The following SLC9C2 variants were observed in gnomAD, a reference collection of about 807,000 sequenced individuals.
SLC9C2 encodes sodium/hydrogen exchanger 11.
In SLC9C2, 75 loss-of-function variants were observed where a neutral mutation model predicts 140.2. The ratio of observed to expected loss-of-function variants is 0.53; its 90% CI spans 0.44 to 0.65. The LOEUF (loss-of-function observed/expected upper bound fraction) is 0.65, where lower values mean the gene tolerates loss of function less well. Among genes scored for constraint, SLC9C2 ranks in the 30% least tolerant of loss-of-function variants. The probability of loss-of-function intolerance (pLI) is 0.00; values close to 1 mark genes in which losing one functional copy is unlikely to be tolerated. For missense variants in SLC9C2, 1,074 were observed against 1,331.8 expected, an observed-to-expected ratio of 0.81 and a Z score of 3.01; for synonymous variants, 375 against 420.9, an observed-to-expected ratio of 0.89 and a Z score of 1.34.
At chr1:173,585,100 C>G (rs1665771996) in intron 5 of SLC9C2, among the ~76,000 whole-genome samples, 1 of 152,144 alleles carries the variant, frequency 6.6e-6, no homozygotes, top group African/African-American at 2.4e-5. Context: ...TACTAACACT[C>G]TATATTTTAT....
intron 7 of SLC9C2, 90 bp downstream of exon 7, chr1:173,581,757 G>A (rs1369417814): frequency 1.8e-6 from 2 of 1,110,740 alleles, no homozygotes; most frequent in East Asian, 2.8e-5. Context: ...CAAAAAGGAG[G>A]AGAAGCAACT....
In SLC9C2 at chr1:173,564,003, G is replaced by C. The variant is rs537699288; in HGVS notation, c.1047-6495C>G. ...ATTTCATTTAACATAATGACCTCCA[G>C]TTCTTTCCATATTGTTGCAAATGAC... On this transcript the variant is annotated intron_variant, in intron 9 of 27. Coordinates refer to ENST00000367714, the MANE Select transcript of SLC9C2 (RefSeq NM_178527.4). 3.9e-5 allele frequency among the ~76,000 whole-genome samples: 6 copies of C among 152,250 alleles called. No individual in the cohort carries two copies. In the East Asian group the frequency reaches 1.2e-3, roughly 29 times the overall value.
At chr1:173,539,834 G>T (rs569525628) in intron 13 of SLC9C2, among the ~76,000 whole-genome samples, 6 of 152,166 alleles carry the variant, frequency 3.9e-5, no homozygotes, top group Non-Finnish European at 8.8e-5. Context: ...AAAATAGCAT[G>T]CAGCAAGTCC....
intron 24 of SLC9C2, among the ~76,000 whole-genome samples, chr1:173,508,518 T>A (rs954111828): frequency 1.4e-5 from 2 of 142,610 alleles, no homozygotes; most frequent in Non-Finnish European, 3.1e-5. Flanking sequence ...CCACTTCTCA[T>A]GAAGATGCAA....
At chr1:173,536,648 C>T (rs1396609059) in intron 14 of SLC9C2, among the ~76,000 whole-genome samples, 1 of 152,120 alleles carries the variant, frequency 6.6e-6, no homozygotes, top group South Asian at 2.1e-4. Context: ...TATAAGTTCC[C>T]TTTCATGGAT....
At chr1:173,576,812 A>G (rs902828161) in intron 7 of SLC9C2, 52 bp from the exon 8 acceptor site, 15 of 1,013,520 alleles carry the variant, frequency 1.5e-5, no homozygotes, top group Non-Finnish European at 2.1e-5. Flanking sequence ...TCATATCTGC[A>G]CACTGAGACA....
chr1:173,567,843 G>A (rs1285837921), intron 9 of SLC9C2, among the ~76,000 whole-genome samples: 6 of 151,752 alleles, frequency 4.0e-5, no homozygotes, highest in African/African-American at 1.5e-4. Context: ...TTAATTTAAG[G>A]TTACCATGAA....
intron 24 of SLC9C2, among the ~76,000 whole-genome samples, 164 bp downstream of exon 24, chr1:173,509,404 C>T (rs1395801252): frequency 2.7e-5 from 4 of 150,110 alleles, no homozygotes; most frequent in Non-Finnish European, 5.9e-5. Context: ...GAGACTGCAC[C>T]ATTGCACTCC....
intron 4 of SLC9C2, among the ~76,000 whole-genome samples, chr1:173,591,278 T>C (rs1666146209): frequency 6.6e-6 from 1 of 152,228 alleles, no homozygotes; most frequent in Non-Finnish European, 1.5e-5. Context: ...AATCTGGCAT[T>C]GATGGGCGTT....
At chr1:173,501,651 C>T (rs954457867) in intron 27 of SLC9C2, among the ~76,000 whole-genome samples, 1 of 151,670 alleles carries the variant, frequency 6.6e-6, no homozygotes, top group South Asian at 2.1e-4. Context: ...GCTGGAACTA[C>T]AGGCGCCCAC....
chr1:173,581,702 G>A, intron 7 of SLC9C2, 145 bp downstream of exon 7: 1 of 548,816 alleles, frequency 1.8e-6, no homozygotes, highest in Non-Finnish European at 3.0e-6. Flanking sequence ...CCAGGAAAGA[G>A]CTAGAGGTAA....
chr1:173,522,008 C>T lies in SLC9C2; in HGVS notation c.2641-609G>A, dbSNP rs139820258. On this transcript the variant is annotated intron_variant, in intron 21 of 27. Transcript: ENST00000367714. Reference sequence around the variant, plus strand: ...GGTCAGGAGATCGAGACCATCCTGGCTAACACGGTGAAACCCCGTCTCTAC... The same window carrying T: ...GGTCAGGAGATCGAGACCATCCTGGTTAACACGGTGAAACCCCGTCTCTAC... Among the ~76,000 whole-genome samples the T allele has an allele frequency of 5.4e-3, 827 of 151,930 alleles. 5 individuals are homozygous for T. The highest frequency in any genetic ancestry group is 0.018 in the African/African-American group (734 of 41,404).
chr1:173,510,301 G>A (rs887707293), intron 23 of SLC9C2, among the ~76,000 whole-genome samples: 2 of 152,060 alleles, frequency 1.3e-5, no homozygotes, highest in African/African-American at 2.4e-5. Context: ...GAATTCTTTG[G>A]CTCATTTCTT....
rs112176969 is a variant in SLC9C2, at chr1:173,516,171, G to A, written c.2907+1366C>T. ...GCACAGGGAGCAGGACCCATTTAAC[G>A]AACCACTTTGTCCCTTGGTCTTTGG... On this transcript the variant is annotated intron_variant, in intron 23 of 27. Coordinates refer to ENST00000367714, the MANE Select transcript of SLC9C2 (RefSeq NM_178527.4). Among the ~76,000 whole-genome samples, 209 of 152,268 alleles carry A rather than the reference G, an allele frequency of 1.4e-3. 1 individual carries two copies. The highest frequency in any genetic ancestry group is 4.9e-3 in the African/African-American group (202 of 41,538).
chr1:173,525,440 G>C (rs1010443356), intron 19 of SLC9C2, among the ~76,000 whole-genome samples: 6 of 152,230 alleles, frequency 3.9e-5, no homozygotes, highest in African/African-American at 1.4e-4. Context: ...TGAACACAAT[G>C]CTTGCCATAT....
At chr1:173,554,141 C>T (rs1047750366) in intron 11 of SLC9C2, among the ~76,000 whole-genome samples, 2 of 152,236 alleles carry the variant, frequency 1.3e-5, no homozygotes, top group Non-Finnish European at 2.9e-5. Context: ...TTCTCTTCTT[C>T]TTCCTTCTGC....
rs772061716 is a variant in SLC9C2, at chr1:173,583,531, G to C, written c.615C>G (p.Asn205Lys). The stretch of plus-strand genomic sequence containing the variant: ...CTCTAAAAATAGAAAAGTGGATTCT[G>C]TTGCCCCGAAAATTTCCAAAAAAAA... ...ASIFFGNFRG[N>K]RIHFSIFRDL... The change falls in exon 6 of 28, where the codon AAC (asparagine) becomes AAG (lysine). Residue 205 changes from asparagine to lysine, a missense_variant. Coordinates refer to ENST00000367714, the MANE Select transcript of SLC9C2 (RefSeq NM_178527.4). The C allele has an allele frequency of 6.2e-7, 1 of 1,608,150 alleles. No individual in the cohort carries two copies. Among genetic ancestry groups the C allele is most frequent in the South Asian group, 1.1e-5 (1 of 89,950 alleles).
At chr1:173,512,505 A>G (rs1228547675) in intron 23 of SLC9C2, among the ~76,000 whole-genome samples, 3 of 152,144 alleles carry the variant, frequency 2.0e-5, no homozygotes, top group Admixed American at 6.5e-5. Context: ...TTGATTTTGT[A>G]TCCTGAGACT....
intron 7 of SLC9C2, among the ~76,000 whole-genome samples, chr1:173,579,036 ATTG>A (rs1369254475): frequency 6.6e-6 from 1 of 152,186 alleles, no homozygotes; most frequent in Non-Finnish European, 1.5e-5. Flanking sequence ...GCTACAAAGA[ATTG>A]TTGGTTGAAA....
Sources: allele counts gnomAD v4.1 joint callset (sites outside exome capture counted in the v4.1 genomes callset), GRCh38; gene constraint gnomAD v4.1.1; transcripts MANE v1.5; gene names NCBI Gene and HGNC (gene_info 2026-07-23, HGNC 2026-07-21).